PHF24: variants seen among roughly 807,000 people sequenced by gnomAD.
The protein encoded by PHF24 is PHD finger protein 24.
PHF24 carries 25 observed loss-of-function variants against 42.6 expected under a neutral mutation model. That is an observed-to-expected ratio of 0.59 (90% CI 0.43 to 0.82). PHF24 has a LOEUF of 0.82. Among genes scored for constraint, PHF24 ranks in the 40% least tolerant of loss-of-function variants. The probability of loss-of-function intolerance (pLI) is 0.00; values close to 1 mark genes in which losing one functional copy is unlikely to be tolerated. For synonymous variants in PHF24, 185 were observed against 204.8 expected, an observed-to-expected ratio of 0.90 and a Z score of 0.83; for missense variants, 470 against 538.1, an observed-to-expected ratio of 0.87 and a Z score of 1.25.
chr9:34,670,373 G>T, the PHF24 span, among the ~76,000 whole-genome samples: 1 of 152,172 alleles, frequency 6.6e-6, no homozygotes, highest in Non-Finnish European at 1.5e-5. Context: ...AGTCTTGTTG[G>T]GGACCTTTCC....
At chr9:34,833,352 C>G in the PHF24 span, 38 of 1,550,726 alleles carry the variant, frequency 2.5e-5, no homozygotes, top group Non-Finnish European at 2.8e-5. Flanking sequence ...CCCTGGGGTA[C>G]TGCTTTGGAA....
the PHF24 span, among the ~76,000 whole-genome samples, chr9:34,903,802 A>G: frequency 6.6e-6 from 1 of 152,072 alleles, no homozygotes; most frequent in African/African-American, 2.4e-5. Context: ...GATTCTACCC[A>G]TCCATGAGAT....
chr9:34,923,784 AT>A, the PHF24 span, among the ~76,000 whole-genome samples: 5 of 151,464 alleles, frequency 3.3e-5, no homozygotes, highest in African/African-American at 7.3e-5. Context: ...CATTTCATTG[AT>A]TTTTTATATT....
chr9:34,724,237 G>A, the PHF24 span: 4 of 1,551,524 alleles, frequency 2.6e-6, no homozygotes, highest in East Asian at 2.4e-5. Flanking sequence ...CCTCTGTCAT[G>A]TCCCCACTGG....
the PHF24 span, among the ~76,000 whole-genome samples, chr9:34,849,874 T>G: frequency 5.3e-5 from 8 of 152,106 alleles, no homozygotes; most frequent in South Asian, 1.7e-3. Context: ...TTAGTTTGGC[T>G]GGATATGAAA....
At chr9:34,723,823 T>C in the PHF24 span, 3 of 1,551,594 alleles carry the variant, frequency 1.9e-6, no homozygotes, top group African/African-American at 4.1e-5. Flanking sequence ...TTTGACTGTC[T>C]TGCAGGTCCT....
the PHF24 span, among the ~76,000 whole-genome samples, chr9:34,681,974 C>G: frequency 6.6e-6 from 1 of 152,364 alleles, no homozygotes; most frequent in Non-Finnish European, 1.5e-5. Context: ...CAGAAAGTGA[C>G]TATCTTGGCA....
the PHF24 span, chr9:34,837,033 G>T: frequency 2.1e-6 from 1 of 470,350 alleles, no homozygotes. Flanking sequence ...AGGCCAGGCT[G>T]GTGTTTAGAG....
the PHF24 span, among the ~76,000 whole-genome samples, chr9:34,936,302 C>T: frequency 5.3e-5 from 8 of 152,202 alleles, no homozygotes; most frequent in African/African-American, 1.2e-4. Flanking sequence ...AGCTCCTAAC[C>T]GCGAGTGATC....
chr9:34,829,495 A>C, the PHF24 span, among the ~76,000 whole-genome samples: 1 of 152,072 alleles, frequency 6.6e-6, no homozygotes, highest in African/African-American at 2.4e-5. Flanking sequence ...CCAATATTTT[A>C]ATTATTGAAT....
chr9:34,735,273 T>C, the PHF24 span, among the ~76,000 whole-genome samples: 6 of 150,450 alleles, frequency 4.0e-5, no homozygotes, highest in African/African-American at 9.7e-5. Flanking sequence ...GTAGCTGGGA[T>C]TACAGGCGCC....
At chr9:34,871,774 C>T in the PHF24 span, among the ~76,000 whole-genome samples, 34 of 152,312 alleles carry the variant, frequency 2.2e-4, no homozygotes, top group African/African-American at 7.9e-4. Flanking sequence ...ACCACTACCA[C>T]ACCGTCTTGA....
chr9:34,975,925 A>G (rs1827168760), intron 3 of PHF24, among the ~76,000 whole-genome samples: 1 of 152,052 alleles, frequency 6.6e-6, no homozygotes, highest in Non-Finnish European at 1.5e-5. Flanking sequence ...TCAGTGCTGG[A>G]GTCAGGATAT....
the PHF24 span, among the ~76,000 whole-genome samples, chr9:34,867,020 A>G: frequency 6.6e-6 from 1 of 152,224 alleles, no homozygotes; most frequent in Non-Finnish European, 1.5e-5. Flanking sequence ...CTGCTGCTGT[A>G]TAATATTTAC....
chr9:34,976,951 G>A lies in PHF24; in HGVS notation c.850-132G>A, dbSNP rs546829820. On this transcript the variant is annotated intron_variant, in intron 5 of 7. Coordinates refer to ENST00000242315, the Ensembl canonical transcript of PHF24. ...ATCTGCCCTGGGCCGCACTGGAAGT[G>A]CTGATGCCTCCAGAAGGGCTCTGGG... 9 of 1,079,700 alleles carry A rather than the reference G, an allele frequency of 8.3e-6. No homozygotes were observed. In the South Asian group the frequency reaches 1.3e-4, roughly 15 times the overall value. The allele number at this position is 1,079,700 out of a possible 1,614,324, so 66.9% of individuals were successfully genotyped here.
At chr9:34,692,147 G>A in the PHF24 span, among the ~76,000 whole-genome samples, 1 of 152,160 alleles carries the variant, frequency 6.6e-6, no homozygotes, top group Non-Finnish European at 1.5e-5. Context: ...GAAACGCCCA[G>A]TCACCCGTCG....
rs936451739 is a variant in PHF24, at chr9:34,972,607, G to A, written c.564+76G>A. The A allele has an allele frequency of 4.2e-5, 59 of 1,410,484 alleles. No individual in the cohort carries two copies. The South Asian group carries it at 8.1e-4, about 19-fold the overall frequency. 87.4% of individuals were successfully genotyped at this position (1,410,484 alleles called of 1,614,324 possible). ...CCCGGTCTTAGAACACTTGATTTTA[G>A]GCAGTGACCTAAAGAATTTTCCAAT... On this transcript the variant is annotated intron_variant, in intron 3 of 7. Transcript: ENST00000242315.
the PHF24 span, among the ~76,000 whole-genome samples, chr9:34,776,259 C>T: frequency 6.6e-6 from 1 of 152,142 alleles, no homozygotes; most frequent in Non-Finnish European, 1.5e-5. Context: ...GATGGAAATT[C>T]CACAACTGGA....
the PHF24 span, chr9:34,833,316 A>T: frequency 6.4e-7 from 1 of 1,551,362 alleles, no homozygotes; most frequent in Non-Finnish European, 8.7e-7. Flanking sequence ...CTGGGTTGTG[A>T]GATCTTGGAG....
Sources: allele counts gnomAD v4.1 joint callset (sites outside exome capture counted in the v4.1 genomes callset), GRCh38; gene constraint gnomAD v4.1.1; transcripts MANE v1.5; gene names NCBI Gene and HGNC (gene_info 2026-07-23, HGNC 2026-07-21).